The following KPNA4 variants were observed in gnomAD, a reference collection of about 807,000 sequenced individuals.
KPNA4 encodes the protein importin subunit alpha-3.
Under a neutral mutation model 71.3 loss-of-function variants are expected in KPNA4, and 13 were observed. The observed-to-expected ratio is 0.18, with a 90% CI of 0.12 to 0.29. The LOEUF is 0.29. Ranked by LOEUF, KPNA4 falls within the 10% of genes least tolerant of loss-of-function variation. The probability of loss-of-function intolerance (pLI) is 1.00; values close to 1 mark genes in which losing one functional copy is unlikely to be tolerated. For synonymous variants in KPNA4, 189 were observed against 195.2 expected (o/e 0.97, Z 0.26); for missense variants, 334 against 603.2 (o/e 0.55, Z 4.67).
chr3:160,525,660 T>C (rs374764044), intron 10 of KPNA4, 140 bp downstream of exon 10: 1 of 384,352 alleles, frequency 2.6e-6, no homozygotes, highest in Non-Finnish European at 4.6e-6. Flanking sequence ...TAATCTAATA[T>C]AAAATAACTC....
intron 1 of KPNA4, among the ~76,000 whole-genome samples, chr3:160,541,214 CT>C (rs1418067421): frequency 6.6e-6 from 1 of 151,956 alleles, no homozygotes; most frequent in Admixed American, 6.6e-5. Context: ...CTTTAAAGCC[CT>C]AAAAATTGTT....
intron 11 of KPNA4, among the ~76,000 whole-genome samples, chr3:160,521,410 C>A (rs1307642079): frequency 6.6e-6 from 1 of 152,060 alleles, no homozygotes; most frequent in Admixed American, 6.6e-5. Flanking sequence ...AGCAGCCTGG[C>A]CAACATGGCA....
At chr3:160,530,370 T>C (rs1721549905) in intron 7 of KPNA4, among the ~76,000 whole-genome samples, 1 of 151,910 alleles carries the variant, frequency 6.6e-6, no homozygotes, top group African/African-American at 2.4e-5. Flanking sequence ...TCCCAGCTAC[T>C]TGGTGGACTG....
At chr3:160,519,508 T>A (rs1029193537) in intron 11 of KPNA4, among the ~76,000 whole-genome samples, 1 of 152,060 alleles carries the variant, frequency 6.6e-6, no homozygotes, top group African/African-American at 2.4e-5. Flanking sequence ...TTAAAAAAAA[T>A]AGGCGGCCGG....
chr3:160,534,544 C>T (rs1363406503), intron 5 of KPNA4, among the ~76,000 whole-genome samples: 1 of 150,516 alleles, frequency 6.6e-6, no homozygotes, highest in African/African-American at 2.4e-5. Context: ...ATGGTGAAAC[C>T]CTGTCTCTAC....
chr3:160,521,093 A>G (rs1017816252), intron 11 of KPNA4, among the ~76,000 whole-genome samples: 9 of 152,210 alleles, frequency 5.9e-5, no homozygotes, highest in African/African-American at 2.2e-4. Context: ...ATTTCAGTAG[A>G]GTACCCTTAT....
intron 11 of KPNA4, among the ~76,000 whole-genome samples, chr3:160,516,410 A>G (rs1445203606): frequency 6.6e-6 from 1 of 151,426 alleles, no homozygotes; most frequent in Non-Finnish European, 1.5e-5. Flanking sequence ...AGAGGAGTCA[A>G]TAAACAAGAA....
chr3:160,555,055 G>A (rs73022073), intron 1 of KPNA4, among the ~76,000 whole-genome samples: 69 of 152,252 alleles, frequency 4.5e-4, no homozygotes, highest in African/African-American at 1.6e-3. Flanking sequence ...CACTCCCATG[G>A]GACTGAGCTC....
intron 1 of KPNA4, among the ~76,000 whole-genome samples, chr3:160,547,358 A>G (rs544512278): frequency 1.3e-5 from 2 of 152,226 alleles, no homozygotes; most frequent in South Asian, 2.1e-4. Flanking sequence ...TTTCTACTGC[A>G]TATCACCAAT....
At chr3:160,549,150 T>C (rs1177125851) in intron 1 of KPNA4, among the ~76,000 whole-genome samples, 4 of 152,220 alleles carry the variant, frequency 2.6e-5, no homozygotes, top group Non-Finnish European at 4.4e-5. Context: ...TTTGCTATTG[T>C]TGAGTTTTAG....
At chr3:160,504,066 G>A (rs207463962) in intron 16 of KPNA4, among the ~76,000 whole-genome samples, 2 of 151,762 alleles carry the variant, frequency 1.3e-5, no homozygotes, top group Non-Finnish European at 1.5e-5. Flanking sequence ...CCTGGGCCCC[G>A]TCTTTAAAAA....
rs758585383 is a variant in KPNA4, at chr3:160,528,071, T to C, written c.470-32A>G. The C allele has an allele frequency of 2.9e-5, 44 of 1,537,334 alleles. No individual in the cohort carries two copies. In the Middle Eastern group the frequency reaches 5.7e-4, roughly 20 times the overall value. ...GAAGAAAAAATAACAATACTTAAGG[T>C]TGAAGATACCATAAACCAAAAATCA... On this transcript the variant is annotated intron_variant, in intron 7 of 16. Coordinates refer to ENST00000334256, the MANE Select transcript of KPNA4 (RefSeq NM_002268.5).
At chr3:160,535,353 C>T (rs1721667068) in intron 5 of KPNA4, among the ~76,000 whole-genome samples, 160 bp downstream of exon 5, 1 of 151,970 alleles carries the variant, frequency 6.6e-6, no homozygotes, top group Non-Finnish European at 1.5e-5. Flanking sequence ...ATATTCTAAA[C>T]CACAGAATTA....
chr3:160,528,659 C>A (rs1400795955), intron 7 of KPNA4, among the ~76,000 whole-genome samples: 1 of 152,184 alleles, frequency 6.6e-6, no homozygotes, highest in Admixed American at 6.5e-5. Context: ...AGCCACTGCA[C>A]CCGGCCTGAA....
At chr3:160,518,158 C>T (rs371811120) in intron 11 of KPNA4, among the ~76,000 whole-genome samples, 1 of 146,994 alleles carries the variant, frequency 6.8e-6, no homozygotes, top group Non-Finnish European at 1.5e-5. Context: ...GACGGAGTCT[C>T]GCTCTGTCAC....
Position 160,515,471 on chromosome 3 carries a change from G to T in KPNA4, c.1013C>A (p.Pro338His). Residue 338 changes from proline (P) to histidine (H), a missense_variant, in exon 12 of 17, where the codon CCC becomes CAC. Pro to His is a moderately conservative substitution (Grantham distance 77). Coordinates refer to ENST00000334256, the MANE Select transcript of KPNA4 (RefSeq NM_002268.5). The part of the protein sequence containing the change: ...LSHFPALLTH[P>H]KEKINKEAVW... The stretch of plus-strand genomic sequence containing the variant: ...ACTTACTTTATTAATTTTCTCTTTG[G>T]GATGTGTCAGGAGTGCTGGGAAGTG... The T allele has an allele frequency of 1.2e-6, 2 of 1,613,210 alleles. No individual in the cohort carries two copies. The highest frequency in any genetic ancestry group is 1.7e-6 in the Non-Finnish European group (2 of 1,179,436).
intron 1 of KPNA4, among the ~76,000 whole-genome samples, chr3:160,538,237 G>C (rs1185783364): frequency 2.0e-5 from 3 of 151,442 alleles, no homozygotes; most frequent in Admixed American, 1.3e-4. Flanking sequence ...GTAAAAAAAA[G>C]AGCTGTAAAT....
chr3:160,510,664 G>A (rs1489121458), intron 13 of KPNA4, among the ~76,000 whole-genome samples: 1 of 151,744 alleles, frequency 6.6e-6, no homozygotes, highest in Non-Finnish European at 1.5e-5. Flanking sequence ...GTGTGAGGCT[G>A]GTAGTATAAA....
chr3:160,563,378 G>A (rs1722282293), intron 1 of KPNA4, among the ~76,000 whole-genome samples: 1 of 152,214 alleles, frequency 6.6e-6, no homozygotes, highest in African/African-American at 2.4e-5. Context: ...GGCTGGGGTA[G>A]TTGGGAATTG....
Sources: gnomAD v4.1 joint callset for allele counts (sites outside exome capture counted in the v4.1 genomes callset) on GRCh38, gnomAD v4.1.1 for gene constraint, MANE v1.5 for transcripts, NCBI Gene and HGNC (gene_info 2026-07-23, HGNC 2026-07-21) for gene names.